EVC: variants seen among roughly 807,000 people sequenced by gnomAD.
EVC encodes the protein EvC ciliary complex subunit 1, also known as evC complex member EVC.
In EVC, 116 loss-of-function variants were observed where a neutral mutation model predicts 118.9. That is an observed-to-expected ratio of 0.98 (90% CI 0.84 to 1.14). The LOEUF is 1.14. EVC is among the 50% of genes most tolerant of loss of function. EVC has a pLI of 0.00. For synonymous variants in EVC, 619 were observed against 534.7 expected (o/e 1.16, Z -2.18); for missense variants, 1,401 against 1,246.4 (o/e 1.12, Z -1.87).
In EVC at chr4:5,810,672, C is replaced by A. The variant is rs537252534; in HGVS notation, c.2894+222C>A. Among the ~76,000 whole-genome samples, 3 of 152,264 alleles carry A rather than the reference C, an allele frequency of 2.0e-5. No individual in the cohort carries two copies. In the South Asian group the frequency reaches 6.2e-4, roughly 32 times the overall value. ...CCCTTCCTGTTTGTGTCTCATTTGGCCAGATGAGCCTTGACCTACCTCCAC... is the reference window on the plus strand; with the variant it reads ...CCCTTCCTGTTTGTGTCTCATTTGGACAGATGAGCCTTGACCTACCTCCAC... On this transcript the variant is annotated intron_variant, in intron 20 of 20. Transcript: ENST00000264956.
At chr4:5,828,124 C>T in the EVC span, 1 of 985,412 alleles carries the variant, frequency 1.0e-6, no homozygotes, top group Non-Finnish European at 1.2e-6. Context: ...CTAAGCCCTT[C>T]ACTGCTCTGG....
intron 3 of EVC, among the ~76,000 whole-genome samples, chr4:5,729,731 C>G (rs778744707): frequency 1.3e-5 from 2 of 152,204 alleles, no homozygotes; most frequent in African/African-American, 4.8e-5. Flanking sequence ...ATGCCAGCAG[C>G]TGGCACTTAC....
In EVC at chr4:5,719,399, G is replaced by C. The variant is rs752429053; in HGVS notation, c.300+26G>C. On this transcript the variant is annotated intron_variant, in intron 2 of 20. Transcript: ENST00000264956. The surrounding 1 kb of genome is among the most constrained non-coding windows in gnomAD (Gnocchi z 4.7). ...GTAAGCTTGGTGTTGATGTTTGTTT[G>C]TGGAGGCACATGTGGGAGGTGGGGT... 6.2e-7 allele frequency: 1 copy of C among 1,614,018 alleles called. No homozygotes were observed. Among genetic ancestry groups the C allele is most frequent in the South Asian group, 1.1e-5 (1 of 91,080 alleles).
chr4:5,827,734 C>CACACAG, the EVC span, among the ~76,000 whole-genome samples: 1 of 101,690 alleles, frequency 9.8e-6, no homozygotes, highest in African/African-American at 1.1e-4. Flanking sequence ...TGTGCGCGTG[C>CACACAG]ACACACACAC....
chr4:5,781,741 G>A (rs1316179316), intron 11 of EVC, among the ~76,000 whole-genome samples: 5 of 152,166 alleles, frequency 3.3e-5, no homozygotes, highest in Non-Finnish European at 7.3e-5. Context: ...TTGGGAGGCT[G>A]AGGTGAGAGG....
Position 5,749,273 on chromosome 4 carries a change from AT to A in EVC, c.1098+969del, listed in dbSNP as rs1442654529. Among the ~76,000 whole-genome samples the A allele has an allele frequency of 1.3e-5, 2 of 150,388 alleles. No homozygotes were observed. The highest frequency in any genetic ancestry group is 2.5e-5 in the African/African-American group (1 of 40,668). On this transcript the variant is annotated intron_variant, in intron 8 of 20. Transcript: ENST00000264956. The surrounding 1 kb of genome is among the most constrained non-coding windows in gnomAD (Gnocchi z 4.4). ...CAACCTTTTGGCTTCCCTGGGCCACATTGGAAGAAGAAGAATTGTCTTAGGC... is the reference window on the plus strand; with the variant it reads ...CAACCTTTTGGCTTCCCTGGGCCACATGGAAGAAGAAGAATTGTCTTAGGC...
At chr4:5,814,546 C>T (rs573604487), downstream of EVC, among the ~76,000 whole-genome samples, 5 of 152,254 alleles carry the variant, frequency 3.3e-5, no homozygotes, top group South Asian at 4.1e-4. Context: ...GCCTTATGGG[C>T]GGCGTTCCCT....
intron 17 of EVC, among the ~76,000 whole-genome samples, chr4:5,805,570 A>C (rs1303443732): frequency 1.3e-5 from 2 of 152,196 alleles, no homozygotes; most frequent in African/African-American, 4.8e-5. Flanking sequence ...CTTTCCTGCG[A>C]AACTTGCAGG....
chr4:5,798,963 C>T lies in EVC; in HGVS notation c.2304+171C>T, dbSNP rs552608764. On this transcript the variant is annotated intron_variant, in intron 15 of 20. Coordinates refer to ENST00000264956, the MANE Select transcript of EVC (RefSeq NM_153717.3). The surrounding 1 kb of genome is among the most constrained non-coding windows in gnomAD (Gnocchi z 4.1). ...ATCTGTAAGGTGGGATCTTCTCCCTCGCAGAATGGGGAGGGGCAGTCGCAG... is the reference window on the plus strand; with the variant it reads ...ATCTGTAAGGTGGGATCTTCTCCCTTGCAGAATGGGGAGGGGCAGTCGCAG... Among the ~76,000 whole-genome samples the T allele has an allele frequency of 1.5e-4, 23 of 152,276 alleles. No individual in the cohort carries two copies. The highest frequency in any genetic ancestry group is 5.3e-4 in the African/African-American group (22 of 41,552).
the EVC span, among the ~76,000 whole-genome samples, chr4:5,823,053 G>C: frequency 2.0e-5 from 3 of 152,020 alleles, no homozygotes; most frequent in Non-Finnish European, 2.9e-5. Context: ...TTTTTTACTA[G>C]CTGCAGAACA....
chr4:5,795,599 C>G (rs1713798462), intron 13 of EVC, among the ~76,000 whole-genome samples: 1 of 152,192 alleles, frequency 6.6e-6, no homozygotes, highest in South Asian at 2.1e-4. Context: ...TTGCAGTGAG[C>G]TGAGATCGCA....
chr4:5,815,673 T>C (rs1471621033), downstream of EVC, among the ~76,000 whole-genome samples: 1 of 152,144 alleles, frequency 6.6e-6, no homozygotes, highest in East Asian at 1.9e-4. Context: ...AGCCCCTCCC[T>C]CTATGGAAAC....
chr4:5,762,441 G>T (rs1732215555), intron 11 of EVC, among the ~76,000 whole-genome samples: 1 of 128,808 alleles, frequency 7.8e-6, no homozygotes. Context: ...TGGGTCAAAT[G>T]GTATTTCTAG....
intron 6 of EVC, among the ~76,000 whole-genome samples, chr4:5,744,987 G>A (rs1362996265): frequency 8.0e-6 from 1 of 125,412 alleles, no homozygotes; most frequent in Non-Finnish European, 1.7e-5. Context: ...TTTTTTTTGA[G>A]GGAGGATATA....
chr4:5,748,522 A>ATCCATCCATCTACGTG lies in EVC; in HGVS notation c.1098+229_1098+230insGTGTCCATCCATCTAC, dbSNP rs143227724. Among the ~76,000 whole-genome samples, 46,737 of 134,356 alleles carry ATCCATCCATCTACGTG rather than the reference A, an allele frequency of 0.35. 10,006 individuals are homozygous for ATCCATCCATCTACGTG. The highest frequency in any genetic ancestry group is 0.51 in the African/African-American group (18,390 of 36,128). 88.1% of individuals were successfully genotyped at this position (134,356 alleles called of 152,430 possible). ...CATCCACCCATTGACCCTTCCATCC[A>ATCCATCCATCTACGTG]TCCATCCATCTACCCATCCATCCAT... On this transcript the variant is annotated intron_variant, in intron 8 of 20. Coordinates refer to ENST00000264956, the MANE Select transcript of EVC (RefSeq NM_153717.3).
At position 5,719,298 on chromosome 4, in the gene EVC, C is replaced by A. The variant is rs200161588; in HGVS notation, c.225C>A (p.Thr75=). 3.1e-6 allele frequency: 5 copies of A among 1,614,074 alleles called. No individual in the cohort carries two copies. Among genetic ancestry groups the A allele is most frequent in the Middle Eastern group, 3.3e-4 (2 of 6,062 alleles). Residue 75 remains threonine (T), a synonymous_variant, in exon 2 of 21, where the codon ACC becomes ACA. Transcript: ENST00000264956. This position sits in a 1 kb window ranked among gnomAD's most constrained non-coding sequence, Gnocchi z 4.7. ...LLKNLESNAQ[T]PSETGSPSRR... Reference sequence around the variant, plus strand: ...AGAATTTGGAGTCTAATGCGCAGACCCCCTCGGAAACTGGCTCCCCATCAA... The same window carrying A: ...AGAATTTGGAGTCTAATGCGCAGACACCCTCGGAAACTGGCTCCCCATCAA...
intron 1 of EVC, among the ~76,000 whole-genome samples, chr4:5,716,429 A>G (rs1723969725): frequency 6.6e-6 from 1 of 152,182 alleles, no homozygotes; most frequent in South Asian, 2.1e-4. Flanking sequence ...TAGGTTCGGC[A>G]GAAAAGAACC....
chr4:5,783,644 A>G lies in EVC; in HGVS notation c.1656A>G (p.Glu552=). 6.2e-7 allele frequency: 1 copy of G among 1,614,208 alleles called. No individual in the cohort carries two copies. Among genetic ancestry groups the G allele is most frequent in the East Asian group, 2.2e-5 (1 of 44,882 alleles). ...TLPGMTGLPP[E]ECDYLRQEVQ... ...CTGGCATGACTGGCCTCCCCCCGGA[A>G]GAGTGTGACTACTTGAGGCAGGAAG... Residue 552 remains glutamate (E), a synonymous_variant, in exon 12 of 21, where the codon GAA becomes GAG. Coordinates refer to ENST00000264956, the MANE Select transcript of EVC (RefSeq NM_153717.3).
the EVC span, chr4:5,821,794 G>C: frequency 1.2e-6 from 2 of 1,610,972 alleles, no homozygotes; most frequent in Non-Finnish European, 8.5e-7. The surrounding 1 kb of genome is among the most constrained non-coding windows in gnomAD (Gnocchi z 4.4). Flanking sequence ...GCGGCCACCA[G>C]GGGGCGCCAC....
Sources: gnomAD v4.1 joint callset for allele counts (sites outside exome capture counted in the v4.1 genomes callset) on GRCh38, gnomAD v4.1.1 for gene constraint, Gnocchi (gnomAD v3.1) non-coding constraint, MANE v1.5 for transcripts, NCBI Gene and HGNC (gene_info 2026-07-23, HGNC 2026-07-21) for gene names.